ANKRD45: variants seen among roughly 807,000 people sequenced by gnomAD.
ANKRD45 encodes ankyrin repeat domain 45.
Under a neutral mutation model 28.1 loss-of-function variants are expected in ANKRD45, and 21 were observed. The ratio of observed to expected loss-of-function variants is 0.75; its 90% CI spans 0.53 to 1.08. ANKRD45 has a LOEUF of 1.08. ANKRD45 is among the 50% of genes least tolerant of loss of function. The pLI is 0.00. For synonymous variants in ANKRD45, 86 were observed against 103.9 expected, an observed-to-expected ratio of 0.83 and a Z score of 1.05; for missense variants, 261 against 308.7, an observed-to-expected ratio of 0.85 and a Z score of 1.16.
At chr1:173,707,119 C>A in the ANKRD45 span, among the ~76,000 whole-genome samples, 21 of 151,826 alleles carry the variant, frequency 1.4e-4, no homozygotes, top group East Asian at 1.5e-3. Context: ...ATATATTTTG[C>A]CCATTTATGT....
chr1:173,635,672 C>G (rs1311843010), intron 3 of ANKRD45: 1 of 1,535,644 alleles, frequency 6.5e-7, no homozygotes, highest in South Asian at 1.2e-5. Flanking sequence ...TAAGGGTTCT[C>G]CATCTCACTG....
the ANKRD45 span, among the ~76,000 whole-genome samples, chr1:173,680,597 G>A: frequency 6.6e-6 from 1 of 151,934 alleles, no homozygotes; most frequent in Non-Finnish European, 1.5e-5. Context: ...ACTATGTAAT[G>A]AAACTGCACA....
the ANKRD45 span, chr1:173,675,219 A>T: frequency 4.4e-6 from 1 of 229,848 alleles, no homozygotes; most frequent in Admixed American, 5.7e-5. Flanking sequence ...CTTTAAAAAA[A>T]AGTATAGCTT....
At chr1:173,622,806 T>A (rs1477486995) in intron 5 of ANKRD45, among the ~76,000 whole-genome samples, 1 of 151,988 alleles carries the variant, frequency 6.6e-6, no homozygotes, top group East Asian at 1.9e-4. Context: ...AATTGACAAA[T>A]AGGATCTAAT....
intron 3 of ANKRD45, among the ~76,000 whole-genome samples, chr1:173,629,304 A>C (rs1020828417): frequency 4.6e-5 from 7 of 152,212 alleles, no homozygotes; most frequent in African/African-American, 1.7e-4. Flanking sequence ...AAACAAACTA[A>C]GTAAGGCCCC....
chr1:173,643,093 TATAGA>T (rs1668769090), intron 3 of ANKRD45, among the ~76,000 whole-genome samples: 1 of 152,138 alleles, frequency 6.6e-6, no homozygotes, highest in Admixed American at 6.6e-5. Context: ...TTAGATTATA[TATAGA>T]ATAGAAGCTT....
At chr1:173,714,658 A>G in the ANKRD45 span, among the ~76,000 whole-genome samples, 2 of 152,318 alleles carry the variant, frequency 1.3e-5, no homozygotes, top group Middle Eastern at 3.4e-3. Flanking sequence ...AAGAAATACA[A>G]ATTCTTAGCT....
upstream of ANKRD45, among the ~76,000 whole-genome samples, chr1:173,671,807 G>A (rs547990294): frequency 1.1e-4 from 17 of 151,274 alleles, no homozygotes; most frequent in Non-Finnish European, 2.4e-4. Context: ...ACGTAAACCC[G>A]GGAGGCGGAG....
At chr1:173,712,184 A>G in the ANKRD45 span, among the ~76,000 whole-genome samples, 3 of 152,248 alleles carry the variant, frequency 2.0e-5, no homozygotes, top group Non-Finnish European at 4.4e-5. Flanking sequence ...TTTAAACCAC[A>G]GTGAATTACC....
Position 173,608,725 on chromosome 1 carries a change from C to T in ANKRD45, c.*1420G>A, listed in dbSNP as rs1667023581. Among the ~76,000 whole-genome samples, 1 of 149,446 alleles carries T rather than the reference C, an allele frequency of 6.7e-6. No individual in the cohort carries two copies. Among genetic ancestry groups the T allele is most frequent in the Admixed American group, 6.7e-5 (1 of 14,914 alleles). On this transcript the variant is annotated 3_prime_UTR_variant, in exon 6 of 6. Transcript: ENST00000333279. ...TCATGATAACTCCACTGCATTCCAGCCTGGGCAGGAGAGGCAGACCCTGTC... is the reference window on the plus strand; with the variant it reads ...TCATGATAACTCCACTGCATTCCAGTCTGGGCAGGAGAGGCAGACCCTGTC...
chr1:173,668,526 G>A (rs1195862385), intron 1 of ANKRD45, among the ~76,000 whole-genome samples: 1 of 152,142 alleles, frequency 6.6e-6, no homozygotes, highest in Non-Finnish European at 1.5e-5. Flanking sequence ...ACCCTGACCC[G>A]TCCCCATAAC....
the ANKRD45 span, among the ~76,000 whole-genome samples, chr1:173,706,028 G>A: frequency 2.0e-5 from 3 of 152,054 alleles, no homozygotes. Flanking sequence ...CTTCCGGCTG[G>A]GCGCAGTGGC....
intron 3 of ANKRD45, among the ~76,000 whole-genome samples, chr1:173,638,100 G>GTA (rs1003434338): frequency 2.0e-5 from 3 of 151,702 alleles, no homozygotes; most frequent in African/African-American, 7.3e-5. Context: ...GGCTGAGTGT[G>GTA]TGTGTGTGTG....
Position 173,608,984 on chromosome 1 carries a change from A to AAAGGGAG in ANKRD45, c.*1154_*1160dup, listed in dbSNP as rs1667037744. ...GGAAGGAGAAGGGGAAGGGAAGGGA[A>AAAGGGAG]AAGGGAGAAGGGAGAAGGAGGGTAA... On this transcript the variant is annotated 3_prime_UTR_variant, in exon 6 of 6. Transcript: ENST00000333279. Among the ~76,000 whole-genome samples the AAAGGGAG allele has an allele frequency of 1.4e-5, 2 of 145,282 alleles. No individual in the cohort carries two copies. The highest frequency in any genetic ancestry group is 4.2e-4 in the East Asian group (2 of 4,788).
At chr1:173,673,370 C>T (rs1670319210), upstream of ANKRD45, among the ~76,000 whole-genome samples, 1 of 152,072 alleles carries the variant, frequency 6.6e-6, no homozygotes, top group Non-Finnish European at 1.5e-5. Flanking sequence ...GCCTTGGCTT[C>T]CCAAAGTGCT....
At chr1:173,615,763 A>G (rs1049665203) in intron 5 of ANKRD45, among the ~76,000 whole-genome samples, 4 of 152,190 alleles carry the variant, frequency 2.6e-5, no homozygotes, top group Non-Finnish European at 5.9e-5. Context: ...AGCATTATCT[A>G]TAATAGCCAA....
intron 5 of ANKRD45, among the ~76,000 whole-genome samples, chr1:173,620,633 A>AC (rs1274355453): frequency 2.6e-5 from 4 of 152,140 alleles, no homozygotes; most frequent in Non-Finnish European, 5.9e-5. Flanking sequence ...TGGGAGATAT[A>AC]CCTAATGCTA....
At chr1:173,672,445 G>A (rs1218906083), upstream of ANKRD45, among the ~76,000 whole-genome samples, 1 of 152,128 alleles carries the variant, frequency 6.6e-6, no homozygotes, top group East Asian at 1.9e-4. Context: ...ATGCATAACT[G>A]TACAAAACTG....
At chr1:173,611,884 C>T (rs375574345) in intron 5 of ANKRD45, among the ~76,000 whole-genome samples, 8 of 152,006 alleles carry the variant, frequency 5.3e-5, no homozygotes, top group Non-Finnish European at 7.4e-5. Context: ...ATATTTCTGA[C>T]GAGAGACTTG....
Sources: gnomAD v4.1 joint callset for allele counts (sites outside exome capture counted in the v4.1 genomes callset) on GRCh38, gnomAD v4.1.1 for gene constraint, MANE v1.5 for transcripts, NCBI Gene and HGNC (gene_info 2026-07-23, HGNC 2026-07-21) for gene names.